The following MYSM1 variants were observed in gnomAD, a reference collection of about 807,000 sequenced individuals.
MYSM1 encodes the protein Myb like, SWIRM and MPN domains 1.
In MYSM1, 51 loss-of-function variants were observed where a neutral mutation model predicts 116.0. That is an observed-to-expected ratio of 0.44 (90% CI 0.35 to 0.56). The LOEUF (loss-of-function observed/expected upper bound fraction) is 0.56. MYSM1 is among the 20% of genes least tolerant of loss of function. The probability of loss-of-function intolerance (pLI) is 0.00; values close to 1 mark genes in which losing one functional copy is unlikely to be tolerated. For synonymous variants in MYSM1, 313 were observed against 315.2 expected (o/e 0.99, Z 0.07); for missense variants, 900 against 974.9 (o/e 0.92, Z 1.02).
chr1:58,697,677 C>T (rs1253077420), intron 1 of MYSM1, among the ~76,000 whole-genome samples: 2 of 151,494 alleles, frequency 1.3e-5, no homozygotes, highest in South Asian at 4.2e-4. Flanking sequence ...GCAACCTTCA[C>T]CTCCCAGGGT....
At position 58,673,623 on chromosome 1, in the gene MYSM1, GGTCTCGGACCCTAC is replaced by G; in HGVS notation, c.1508_1521del (p.Arg503ProfsTer7). The G allele has an allele frequency of 6.2e-7, 1 of 1,613,866 alleles. No homozygotes were observed. Among genetic ancestry groups the G allele is most frequent in the Non-Finnish European group, 8.5e-7 (1 of 1,179,932 alleles). On this transcript the variant is annotated frameshift_variant, in exon 11 of 20. Transcript: ENST00000472487. LOFTEE classifies it high-confidence loss of function. ...TTTGCATCACACCAGTTTCCCCATG[GGTCTCGGACCCTAC>G]GTCTCCTTGTACGCTGCGATGAGAT...
intron 10 of MYSM1, 110 bp from the exon 11 acceptor site, chr1:58,673,760 T>C: frequency 6.8e-6 from 6 of 883,620 alleles, no homozygotes; most frequent in Non-Finnish European, 8.9e-6. Context: ...AATTAATCTA[T>C]CAATTTAAAT....
At chr1:58,693,383 G>C (rs1264750159) in intron 2 of MYSM1, among the ~76,000 whole-genome samples, 1 of 151,906 alleles carries the variant, frequency 6.6e-6, no homozygotes, top group African/African-American at 2.4e-5. Flanking sequence ...TCTTCTTCAA[G>C]CTCTAGGCCA....
chr1:58,673,651 C>T lies in MYSM1; in HGVS notation c.1495-1G>A. 2 of 1,613,502 alleles carry T rather than the reference C, an allele frequency of 1.2e-6. No individual in the cohort carries two copies. Among genetic ancestry groups the T allele is most frequent in the Non-Finnish European group, 1.7e-6 (2 of 1,179,566 alleles). ...CTCGGACCCTACGTCTCCTTGTACG[C>T]TGCGATGAGATTAAAGTAAAGCAAA... On this transcript the variant is annotated splice_acceptor_variant, in intron 10 of 19. Coordinates refer to ENST00000472487, the MANE Select transcript of MYSM1 (RefSeq NM_001085487.3). LOFTEE classifies it high-confidence loss of function.
intron 17 of MYSM1, among the ~76,000 whole-genome samples, chr1:58,661,761 G>A (rs1028892149): frequency 5.3e-5 from 8 of 152,058 alleles, no homozygotes; most frequent in African/African-American, 1.4e-4. Flanking sequence ...ACAATTCTAC[G>A]CATGGCACTA....
rs559549505 is a variant in MYSM1 at position 58,700,044 on chromosome 1, A to C, written c.9T>G (p.Ala3=). The C allele has an allele frequency of 5.6e-6, 9 of 1,613,618 alleles. No homozygotes were observed. The highest frequency in any genetic ancestry group is 5.0e-5 in the Admixed American group (3 of 60,014). Residue 3 remains alanine, a synonymous_variant, in exon 1 of 20, where the codon GCT becomes GCG. Coordinates refer to ENST00000472487, the MANE Select transcript of MYSM1 (RefSeq NM_001085487.3). MA[A]EEADVDIEGD... The stretch of plus-strand genomic sequence containing the variant: ...CTTCGATATCCACATCCGCCTCTTC[A>C]GCCGCCATGATGGGACCTGACCCCG...
Position 58,660,021 on chromosome 1 carries a change from GT to G in MYSM1, c.2462del (p.Asn821ThrfsTer7). On this transcript the variant is annotated frameshift_variant, in exon 20 of 20. Transcript: ENST00000472487. LOFTEE classifies it high-confidence loss of function. ...ATCACATTAACAATTCCTTTGTACA[GT>G]TCTCTTCGGTTACTCCATTCTCTTG... ...SNQENGVTEENCTKELLM is the reference protein window; with the variant it reads ...SNQENGVTEEXCTKELLM 6.2e-7 allele frequency: 1 copy of G among 1,600,630 alleles called. No homozygotes were observed. Among genetic ancestry groups the G allele is most frequent in the Non-Finnish European group, 8.5e-7 (1 of 1,172,978 alleles).
chr1:58,668,554 CTCTG>C (rs1644508060), intron 14 of MYSM1, 74 bp downstream of exon 14: 8 of 1,488,556 alleles, frequency 5.4e-6, no homozygotes, highest in Admixed American at 2.9e-5. Flanking sequence ...GTCTTCCATA[CTCTG>C]TCTTACGCCT....
At chr1:58,662,565 G>A (rs232782) in intron 17 of MYSM1, among the ~76,000 whole-genome samples, 40,253 of 150,710 alleles carry the variant, frequency 0.27, 6,152 homozygotes, top group African/African-American at 0.41. Context: ...AGTCAGGCTC[G>A]AGAGTTCTGC....
chr1:58,689,919 G>T (rs1449533701), intron 5 of MYSM1, among the ~76,000 whole-genome samples: 2 of 152,070 alleles, frequency 1.3e-5, no homozygotes, highest in Admixed American at 6.6e-5. Flanking sequence ...CAGAGTAAAA[G>T]AAATCAAGTC....
chr1:58,667,205 T>C lies in MYSM1; in HGVS notation c.1864A>G (p.Asn622Asp), dbSNP rs1644486975. Residue 622 changes from asparagine (N) to aspartate (D), a missense_variant, in exon 16 of 20, where the codon AAC (asparagine) becomes GAC (aspartate). Around this residue, in one of 3 missense-constraint regions of MYSM1, gnomAD observed 92 missense variants for 155.0 expected, o/e 0.59. Transcript: ENST00000472487. Reference protein sequence around the residue: ...VVEVCAAEPCNSLSTGLQCEM... With the variant: ...VVEVCAAEPCDSLSTGLQCEM... ...CACTGTAGTCCTGTACTCAGACTGT[T>C]ACATGGTTCTGCTGCACAGACCTAT... 6.3e-7 allele frequency: 1 copy of C among 1,598,420 alleles called. No homozygotes were observed. The highest frequency in any genetic ancestry group is 8.5e-7 in the Non-Finnish European group (1 of 1,171,110).
intron 11 of MYSM1, among the ~76,000 whole-genome samples, chr1:58,672,409 G>A (rs1371118118): frequency 1.3e-5 from 2 of 151,844 alleles, no homozygotes; most frequent in African/African-American, 4.8e-5. Context: ...AAGCTTTCAT[G>A]CTTCAGTTAC....
rs1477989526 is a variant in MYSM1, at chr1:58,682,253, G to T, written c.791C>A (p.Thr264Asn). 4 of 1,612,306 alleles carry T rather than the reference G, an allele frequency of 2.5e-6. No individual in the cohort carries two copies. The Admixed American group carries it at 6.7e-5, about 27-fold the overall frequency. ...MHETNQGEFI[T>N]SDSQEALFSK... Reference sequence around the variant, plus strand: ...AAAGAGAGCTTCCTGGCTGTCAGAAGTAATGAATTCTCCTTGATTGGTTTC... The same window carrying T: ...AAAGAGAGCTTCCTGGCTGTCAGAATTAATGAATTCTCCTTGATTGGTTTC... Residue 264 changes from threonine (T) to asparagine (N), a missense_variant, in exon 8 of 20, where the codon ACT becomes AAT. By Grantham distance (65) the Thr-to-Asn change is moderately conservative. This residue lies in a region of MYSM1 where 622 missense variants were observed against 623.7 expected (regional missense o/e 1.00). Transcript: ENST00000472487.
At chr1:58,673,096 T>G (rs963537747) in intron 11 of MYSM1, among the ~76,000 whole-genome samples, 3 of 152,220 alleles carry the variant, frequency 2.0e-5, no homozygotes, top group African/African-American at 4.8e-5. Flanking sequence ...TAAAAAAGCA[T>G]GAGATTCTGT....
chr1:58,681,739 GA>G (rs1223425326), intron 8 of MYSM1, 45 bp downstream of exon 8: 6 of 1,498,538 alleles, frequency 4.0e-6, no homozygotes, highest in Non-Finnish European at 4.5e-6. Context: ...AAATACTTCA[GA>G]ATATCACGTT....
At chr1:58,681,669 C>A in intron 8 of MYSM1, 116 bp downstream of exon 8, 1 of 970,654 alleles carries the variant, frequency 1.0e-6, no homozygotes. Context: ...TTAAATCTTC[C>A]CTACTGTAGT....
intron 1 of MYSM1, among the ~76,000 whole-genome samples, chr1:58,696,940 C>T (rs1421578382): frequency 6.6e-6 from 1 of 152,144 alleles, no homozygotes; most frequent in Admixed American, 6.5e-5. Context: ...ATAATATGAT[C>T]AGATCTGGAT....
Position 58,685,266 on chromosome 1 carries a change from T to C in MYSM1, c.400-15A>G. 1.3e-6 allele frequency: 2 copies of C among 1,575,388 alleles called. No homozygotes were observed. Among genetic ancestry groups the C allele is most frequent in the African/African-American group, 1.4e-5 (1 of 72,382 alleles). ...CCAAATTTAGCCTGTATTATTAAAATGGGAAAAAAAATTGCTTTTGATGAA... is the reference window on the plus strand; with the variant it reads ...CCAAATTTAGCCTGTATTATTAAAACGGGAAAAAAAATTGCTTTTGATGAA... On this transcript the variant is annotated splice_polypyrimidine_tract_variant and intron_variant, in intron 6 of 19. Coordinates refer to ENST00000472487, the MANE Select transcript of MYSM1 (RefSeq NM_001085487.3).
chr1:58,675,432 G>T, intron 10 of MYSM1, 45 bp downstream of exon 10: 2 of 1,398,730 alleles, frequency 1.4e-6, no homozygotes, highest in African/African-American at 1.4e-5. Context: ...ACTAAACAGA[G>T]TAAGCAGCAA....
Sources: allele counts gnomAD v4.1 joint callset (sites outside exome capture counted in the v4.1 genomes callset), GRCh38; gene constraint gnomAD v4.1.1; regional missense constraint gnomAD v4.1.1; transcripts MANE v1.5; gene names NCBI Gene and HGNC (gene_info 2026-07-23, HGNC 2026-07-21).